Variants in DGKB observed in about 807,000 individuals in gnomAD.
DGKB encodes diacylglycerol kinase beta.
DGKB carries 67 observed loss-of-function variants against 114.3 expected under a neutral mutation model. The observed-to-expected ratio is 0.59, with a 90% CI of 0.48 to 0.72. DGKB has a LOEUF of 0.72. Ranked by LOEUF, DGKB falls within the 30% of genes least tolerant of loss-of-function variation. The pLI is 0.00. For synonymous variants in DGKB, 398 were observed against 323.1 expected (o/e 1.23, Z -2.49); for missense variants, 907 against 975.2 (o/e 0.93, Z 0.93).
At chr7:14,806,789 C>T (rs1842839848) in intron 2 of DGKB, among the ~76,000 whole-genome samples, 1 of 151,668 alleles carries the variant, frequency 6.6e-6, no homozygotes, top group Non-Finnish European at 1.5e-5. Context: ...CCTGATGCTG[C>T]TATTCTCAGA....
intron 23 of DGKB, among the ~76,000 whole-genome samples, chr7:14,331,161 T>C (rs1809652055): frequency 1.3e-5 from 2 of 152,078 alleles, no homozygotes; most frequent in South Asian, 4.1e-4. Flanking sequence ...GGGAGACATC[T>C]ACTTAAAGGT....
At chr7:14,801,921 CAT>C (rs1049327403) in intron 2 of DGKB, among the ~76,000 whole-genome samples, 41 of 138,904 alleles carry the variant, frequency 3.0e-4, no homozygotes, top group Non-Finnish European at 4.9e-4. Context: ...CACATATATA[CAT>C]ATACACACAC....
Position 14,335,950 on chromosome 7 carries a change from C to A in DGKB, c.2122+2565G>T, listed in dbSNP as rs1005740258. 3.9e-5 allele frequency among the ~76,000 whole-genome samples: 6 copies of A among 152,114 alleles called. 1 individual carries two copies. The highest frequency in any genetic ancestry group is 4.1e-4 in the South Asian group (2 of 4,836). On this transcript the variant is annotated intron_variant, in intron 23 of 25. Coordinates refer to ENST00000402815, the MANE Select transcript of DGKB (RefSeq NM_001350709.2). Reference sequence around the variant, plus strand: ...CACTTCCTCCTTTCCCAGTATGTTGCCTAGGCTGGGCTTGAACTCCCTGCT... The same window carrying A: ...CACTTCCTCCTTTCCCAGTATGTTGACTAGGCTGGGCTTGAACTCCCTGCT...
At chr7:14,177,948 T>C in intron 24 of DGKB, 83 bp downstream of exon 24, 2 of 1,369,962 alleles carry the variant, frequency 1.5e-6, no homozygotes, top group Non-Finnish European at 9.7e-7. Context: ...AAGACAATGT[T>C]ACTATCAGAG....
At chr7:14,269,061 G>A (rs967603970) in intron 23 of DGKB, 1 of 152,176 alleles carries the variant, frequency 6.6e-6, no homozygotes, top group Admixed American at 6.6e-5. Context: ...ATTCCATGAT[G>A]GCTCATTTGC....
chr7:14,791,725 A>T (rs1170654855), intron 2 of DGKB, among the ~76,000 whole-genome samples: 1 of 152,182 alleles, frequency 6.6e-6, no homozygotes, highest in Non-Finnish European at 1.5e-5. Flanking sequence ...GAAAGATCAC[A>T]CTGATTGATT....
intron 23 of DGKB, among the ~76,000 whole-genome samples, chr7:14,183,763 C>A (rs1782977344): frequency 6.6e-6 from 1 of 152,136 alleles, no homozygotes; most frequent in Non-Finnish European, 1.5e-5. Context: ...AAGAACTAAC[C>A]AATTAAATGT....
chr7:14,298,781 G>T (rs1379590984), intron 23 of DGKB, among the ~76,000 whole-genome samples: 1 of 152,138 alleles, frequency 6.6e-6, no homozygotes, highest in Non-Finnish European at 1.5e-5. Context: ...GAAAACTTTT[G>T]CAATCTATCC....
chr7:14,156,770 G>GA (rs1340234028), intron 25 of DGKB, among the ~76,000 whole-genome samples: 1 of 152,032 alleles, frequency 6.6e-6, no homozygotes, highest in African/African-American at 2.4e-5. Context: ...CTAAAAGATG[G>GA]ATAAAAGTGG....
chr7:14,380,118 A>G (rs950541451), intron 21 of DGKB, among the ~76,000 whole-genome samples: 5 of 152,168 alleles, frequency 3.3e-5, no homozygotes, highest in Non-Finnish European at 5.9e-5. Flanking sequence ...GTACTTCGCT[A>G]TATCCAAAAC....
chr7:14,845,385 G>C (rs944507489), intron 1 of DGKB, among the ~76,000 whole-genome samples: 4 of 151,918 alleles, frequency 2.6e-5, no homozygotes, highest in African/African-American at 4.8e-5. Context: ...TTTAACATTT[G>C]TCTCCACACA....
chr7:14,885,380 G>A (rs1443746812), intron 1 of DGKB, among the ~76,000 whole-genome samples: 1 of 151,938 alleles, frequency 6.6e-6, no homozygotes, highest in African/African-American at 2.4e-5. Context: ...TGGAATAACA[G>A]AACCTGGAGT....
intron 25 of DGKB, among the ~76,000 whole-genome samples, chr7:14,159,018 C>T (rs12538534): frequency 0.3 from 45,387 of 152,032 alleles, 7,638 homozygotes; most frequent in South Asian, 0.46. Context: ...CCTCTCCCGC[C>T]AATTAATTCC....
chr7:14,746,098 G>C (rs954977302), intron 4 of DGKB, among the ~76,000 whole-genome samples: 2 of 152,152 alleles, frequency 1.3e-5, no homozygotes, highest in African/African-American at 4.8e-5. Context: ...TGGCACTTTG[G>C]GAGGCTGAGG....
rs73287046 is a variant in DGKB, at chr7:14,926,697, A to C, written c.-188+47999T>G. On this transcript the variant is annotated intron_variant, in intron 1 of 4. Coordinates refer to the DGKB transcript ENST00000437998. Reference sequence around the variant, plus strand: ...TTTTATTTCTTTAAATATATTTAACATAAGTATTTTATATTTTATTTCTGA... The same window carrying C: ...TTTTATTTCTTTAAATATATTTAACCTAAGTATTTTATATTTTATTTCTGA... 5.4e-4 allele frequency among the ~76,000 whole-genome samples: 82 copies of C among 151,886 alleles called. 2 individuals carry two copies. Among genetic ancestry groups the C allele is most frequent in the Non-Finnish European group, 7.4e-5 (5 of 67,872 alleles).
chr7:14,647,940 CT>C (rs1192595217), intron 13 of DGKB, among the ~76,000 whole-genome samples: 5 of 152,182 alleles, frequency 3.3e-5, no homozygotes, highest in Non-Finnish European at 5.9e-5. Flanking sequence ...TTCTGACGGG[CT>C]TAAAAAATGG....
chr7:14,205,410 C>G (rs1007004708), intron 23 of DGKB, among the ~76,000 whole-genome samples: 2 of 151,816 alleles, frequency 1.3e-5, no homozygotes, highest in Non-Finnish European at 2.9e-5. Flanking sequence ...TAAAGCTTCT[C>G]TTTCTTGGGG....
intron 5 of DGKB, among the ~76,000 whole-genome samples, chr7:14,724,253 T>C (rs1829691146): frequency 6.6e-6 from 1 of 152,228 alleles, no homozygotes; most frequent in Non-Finnish European, 1.5e-5. Flanking sequence ...GTAGCATAGA[T>C]AATCAGAATA....
intron 15 of DGKB, among the ~76,000 whole-genome samples, chr7:14,615,641 C>T (rs1806373592): frequency 6.6e-6 from 1 of 151,608 alleles, no homozygotes; most frequent in South Asian, 2.1e-4. Flanking sequence ...CCACAAGTGG[C>T]AAAAGTTGAA....
Sources: allele counts gnomAD v4.1 joint callset (sites outside exome capture counted in the v4.1 genomes callset), GRCh38; gene constraint gnomAD v4.1.1; transcripts MANE v1.5; gene names NCBI Gene and HGNC (gene_info 2026-07-23, HGNC 2026-07-21).